Variants in ARHGEF10 observed in about 807,000 individuals in gnomAD.
ARHGEF10 encodes the protein Rho guanine nucleotide exchange factor 10.
Under a neutral mutation model 147.4 loss-of-function variants are expected in ARHGEF10, and 140 were observed. The ratio of observed to expected loss-of-function variants is 0.95; its 90% CI spans 0.83 to 1.09. ARHGEF10 has a LOEUF of 1.09. Ranked by LOEUF, ARHGEF10 falls within the 50% of genes least tolerant of loss-of-function variation. The probability of loss-of-function intolerance (pLI) is 0.00; values close to 1 mark genes in which losing one functional copy is unlikely to be tolerated. For missense variants in ARHGEF10, 2,222 were observed against 1,752.7 expected (o/e 1.27, Z -4.78); for synonymous variants, 902 against 695.8 (o/e 1.30, Z -4.67).
At chr8:1,883,205 G>A (rs1250853928) in intron 10 of ARHGEF10, among the ~76,000 whole-genome samples, 2 of 152,148 alleles carry the variant, frequency 1.3e-5, no homozygotes, top group Non-Finnish European at 1.5e-5. Flanking sequence ...AACATCTAAC[G>A]AAGGCGCAGT....
chr8:1,898,367 C>A (rs925916354), intron 14 of ARHGEF10, 66 bp from the exon 15 acceptor site: 1 of 1,415,934 alleles, frequency 7.1e-7, no homozygotes, highest in African/African-American at 1.4e-5. Context: ...GGGGAGGAGG[C>A]GGCCCCAGGG....
chr8:1,956,171 T>G (rs1815549649), intron 28 of ARHGEF10, among the ~76,000 whole-genome samples: 1 of 152,174 alleles, frequency 6.6e-6, no homozygotes, highest in South Asian at 2.1e-4. Context: ...TGTGTGGCTT[T>G]AAGAAGACCT....
chr8:1,922,862 C>A (rs1409327337), intron 18 of ARHGEF10, 102 bp from the exon 19 acceptor site: 2 of 820,114 alleles, frequency 2.4e-6, no homozygotes. Context: ...CACCCCTCAA[C>A]TTAAAAATTA....
chr8:1,833,884 C>A (rs1803422006), intron 1 of ARHGEF10, among the ~76,000 whole-genome samples: 1 of 152,230 alleles, frequency 6.6e-6, no homozygotes, highest in African/African-American at 2.4e-5. Flanking sequence ...ATGACCCCTC[C>A]CCAAGTGTAC....
chr8:1,832,740 GC>G (rs1803248439), intron 1 of ARHGEF10, among the ~76,000 whole-genome samples: 1 of 28,822 alleles, frequency 3.5e-5, no homozygotes. Flanking sequence ...AGAGGCAGAG[GC>G]AGAGGCAGAG....
At chr8:1,921,754 A>C (rs1278435477) in intron 18 of ARHGEF10, among the ~76,000 whole-genome samples, 1 of 152,126 alleles carries the variant, frequency 6.6e-6, no homozygotes, top group East Asian at 1.9e-4. Context: ...AGAAAAAAGA[A>C]AAAACAGAAT....
chr8:1,881,818 G>A (rs775939381), intron 9 of ARHGEF10, among the ~76,000 whole-genome samples: 1 of 152,218 alleles, frequency 6.6e-6, no homozygotes, highest in Non-Finnish European at 1.5e-5. Flanking sequence ...CAGCTGCACT[G>A]CTGGTCCCTT....
rs1050908409 is a variant in ARHGEF10 at position 1,885,653 on chromosome 8, C to T, written c.1128C>T (p.Cys376=). The T allele has an allele frequency of 3.7e-6, 6 of 1,613,870 alleles. No homozygotes were observed. The highest frequency in any genetic ancestry group is 4.5e-5 in the East Asian group (2 of 44,896). Residue 376 remains cysteine, a synonymous_variant, in exon 11 of 29, where the codon TGC becomes TGT. Coordinates refer to ENST00000349830, the MANE Select transcript of ARHGEF10 (RefSeq NM_014629.4). ...EEQNLFIDVD[C]KHPEAILTPM... The stretch of plus-strand genomic sequence containing the variant: ...AGAATTTGTTCATTGATGTTGACTG[C>T]AAGCACCCGGAAGCCATCTTGACCC...
intron 18 of ARHGEF10, among the ~76,000 whole-genome samples, chr8:1,921,172 A>G (rs1195631751): frequency 6.6e-6 from 1 of 152,206 alleles, no homozygotes; most frequent in Non-Finnish European, 1.5e-5. Flanking sequence ...CAGGCTTACC[A>G]TGTTCATAAA....
At chr8:1,952,900 G>A (rs1464043843) in intron 28 of ARHGEF10, 73 bp downstream of exon 28, 28 of 1,597,188 alleles carry the variant, frequency 1.8e-5, no homozygotes, top group Non-Finnish European at 2.4e-5. Context: ...TGTGTAGTGT[G>A]ATTTAACATC....
At chr8:1,843,577 C>T in intron 2 of ARHGEF10, 141 bp downstream of exon 2, 1 of 732,150 alleles carries the variant, frequency 1.4e-6, no homozygotes, top group Non-Finnish European at 2.4e-6. Context: ...AGAGAAGGTT[C>T]TGACGTGAGC....
chr8:1,918,241 T>G (rs1412632258), intron 18 of ARHGEF10, among the ~76,000 whole-genome samples: 3 of 152,206 alleles, frequency 2.0e-5, no homozygotes, highest in Non-Finnish European at 4.4e-5. Flanking sequence ...CAGCGCACAT[T>G]GTCCCCATTC....
chr8:1,934,372 A>AG (rs1554511985), intron 26 of ARHGEF10, among the ~76,000 whole-genome samples: 7,666 of 149,052 alleles, frequency 0.051, 276 homozygotes, highest in South Asian at 0.081. Flanking sequence ...AAAAAAAAAA[A>AG]GGAAAGGGAA....
intron 4 of ARHGEF10, 110 bp from the exon 5 acceptor site, chr8:1,864,263 A>G (rs977117039): frequency 2.8e-6 from 3 of 1,075,766 alleles, no homozygotes; most frequent in Non-Finnish European, 4.3e-6. Context: ...TGCTAAGATA[A>G]GCCTCTGATT....
chr8:1,871,629 C>T (rs1170800804), intron 7 of ARHGEF10, among the ~76,000 whole-genome samples: 1 of 152,060 alleles, frequency 6.6e-6, no homozygotes, highest in Non-Finnish European at 1.5e-5. Flanking sequence ...ACCAGCCTGG[C>T]CAAGATGGTG....
intron 15 of ARHGEF10, among the ~76,000 whole-genome samples, chr8:1,902,655 G>A (rs909303322): frequency 5.9e-5 from 9 of 151,700 alleles, no homozygotes; most frequent in South Asian, 4.2e-4. Flanking sequence ...AGGAGCCTGC[G>A]TGGCCACGCA....
intron 4 of ARHGEF10, among the ~76,000 whole-genome samples, chr8:1,863,683 G>T (rs1453969699): frequency 6.6e-6 from 1 of 152,104 alleles, no homozygotes; most frequent in East Asian, 1.9e-4. Context: ...TGCTTCTTCT[G>T]CACTGGCGTC....
chr8:1,855,531 G>A (rs1023762823), intron 2 of ARHGEF10, among the ~76,000 whole-genome samples: 10 of 151,282 alleles, frequency 6.6e-5, no homozygotes, highest in Non-Finnish European at 1.0e-4. Flanking sequence ...ACAGGTCCAC[G>A]CCTTCACCCC....
At chr8:1,849,836 GCT>G (rs1563173271) in intron 2 of ARHGEF10, among the ~76,000 whole-genome samples, 46 of 92,116 alleles carry the variant, frequency 5.0e-4, no homozygotes, top group East Asian at 1.2e-3. Flanking sequence ...GCTGAGGAGG[GCT>G]TGGGCGGCCA....
Sources: gnomAD v4.1 joint callset for allele counts (sites outside exome capture counted in the v4.1 genomes callset) on GRCh38, gnomAD v4.1.1 for gene constraint, MANE v1.5 for transcripts, NCBI Gene and HGNC (gene_info 2026-07-23, HGNC 2026-07-21) for gene names.